ANXA2: variants seen among roughly 807,000 people sequenced by gnomAD.
ANXA2 encodes the protein annexin II.
Under a neutral mutation model 47.3 loss-of-function variants are expected in ANXA2, and 28 were observed. The ratio of observed to expected loss-of-function variants is 0.59; its 90% CI spans 0.44 to 0.81. ANXA2 has a LOEUF of 0.81. Among genes scored for constraint, ANXA2 ranks in the 40% least tolerant of loss-of-function variants. ANXA2 has a pLI of 0.00. For missense variants in ANXA2, 384 were observed against 414.3 expected, an observed-to-expected ratio of 0.93 and a Z score of 0.64; for synonymous variants, 172 against 155.5, an observed-to-expected ratio of 1.11 and a Z score of -0.79.
At chr15:60,367,069 A>G (rs866934994) in intron 3 of ANXA2, among the ~76,000 whole-genome samples, 19 of 7,238 alleles carry the variant, frequency 2.6e-3, no homozygotes, top group South Asian at 5.1e-3. Context: ...GGGAGGGGGG[A>G]GGGGGGATCA....
In ANXA2 at chr15:60,360,294, T is replaced by C. The variant is rs563393465; in HGVS notation, c.357+647A>G. ...AAACAAAACAAAAAACTTGATATTTTAAGTATGCACAAAGTTCAGGAGGTT... is the reference window on the plus strand; with the variant it reads ...AAACAAAACAAAAAACTTGATATTTCAAGTATGCACAAAGTTCAGGAGGTT... On this transcript the variant is annotated intron_variant, in intron 5 of 12. Coordinates refer to ENST00000451270, the MANE Select transcript of ANXA2 (RefSeq NM_004039.3). 4.6e-5 allele frequency among the ~76,000 whole-genome samples: 7 copies of C among 152,308 alleles called. No homozygotes were observed. The South Asian group carries it at 1.0e-3, about 23-fold the overall frequency.
At chr15:60,373,662 A>C (rs1427123235) in intron 3 of ANXA2, among the ~76,000 whole-genome samples, 1 of 152,132 alleles carries the variant, frequency 6.6e-6, no homozygotes, top group Admixed American at 6.5e-5. Context: ...ACTCCATGGG[A>C]CTCAGACCTG....
chr15:60,394,936 G>A (rs1293476665), intron 1 of ANXA2, among the ~76,000 whole-genome samples: 1 of 152,174 alleles, frequency 6.6e-6, no homozygotes, highest in East Asian at 1.9e-4. Flanking sequence ...TTCCTCTGGT[G>A]TGGCCTACAA....
At chr15:60,376,628 AAC>A (rs1163984537) in intron 3 of ANXA2, among the ~76,000 whole-genome samples, 1 of 152,138 alleles carries the variant, frequency 6.6e-6, no homozygotes, top group Non-Finnish European at 1.5e-5. Context: ...TCTCTCCTCT[AAC>A]AGAGGGCTGC....
At chr15:60,368,298 G>A (rs1175276989) in intron 3 of ANXA2, among the ~76,000 whole-genome samples, 3 of 64,064 alleles carry the variant, frequency 4.7e-5, no homozygotes, top group African/African-American at 1.8e-4. Flanking sequence ...AAACACCCAA[G>A]AATGATCAAT....
At chr15:60,351,617 G>A (rs1896015266) in intron 10 of ANXA2, 107 bp downstream of exon 10, 1 of 756,580 alleles carries the variant, frequency 1.3e-6, no homozygotes, top group Non-Finnish European at 2.3e-6. Context: ...TCCAAAGCAT[G>A]CATAGAAGCC....
At chr15:60,385,136 T>C (rs934322356) in intron 2 of ANXA2, among the ~76,000 whole-genome samples, 14 of 152,360 alleles carry the variant, frequency 9.2e-5, no homozygotes, top group African/African-American at 3.1e-4. Context: ...AAATTCAGTT[T>C]AGTTCTAAAT....
chr15:60,376,199 G>A (rs575003373), intron 3 of ANXA2, among the ~76,000 whole-genome samples: 1 of 152,140 alleles, frequency 6.6e-6, no homozygotes, highest in East Asian at 1.9e-4. Flanking sequence ...CCAACATGGA[G>A]AAACACCATC....
intron 1 of ANXA2, 44 bp from the exon 2 acceptor site, chr15:60,386,130 C>A (rs775453201): frequency 7.5e-7 from 1 of 1,324,830 alleles, no homozygotes; most frequent in Non-Finnish European, 1.1e-6. Flanking sequence ...AGAGGCTCTC[C>A]TTTACTCTGA....
intron 3 of ANXA2, among the ~76,000 whole-genome samples, chr15:60,366,493 C>T (rs1161159787): frequency 6.6e-6 from 1 of 151,916 alleles, no homozygotes; most frequent in African/African-American, 2.4e-5. Context: ...CTCTGCCCGG[C>T]CGCGACCCTG....
At chr15:60,357,680 C>A (rs1248228324) in intron 5 of ANXA2, among the ~76,000 whole-genome samples, 1 of 151,972 alleles carries the variant, frequency 6.6e-6, no homozygotes, top group Non-Finnish European at 1.5e-5. Flanking sequence ...GTAGTCCCAG[C>A]TACCCTGGGA....
chr15:60,355,988 A>G lies in ANXA2; in HGVS notation c.459T>C (p.Thr153=). The change falls in exon 7 of 13, where the codon ACT becomes ACC. Residue 153 remains threonine, a synonymous_variant. Coordinates refer to ENST00000451270, the MANE Select transcript of ANXA2 (RefSeq NM_004039.3). ...INRVYKEMYK[T]DLEKDIISDT... ...CCGAAATAATGTCCTTCTCCAGATC[A>G]GTCTTGTACACTTGGAGGAAAATAC... 1.2e-6 allele frequency: 2 copies of G among 1,613,570 alleles called. No homozygotes were observed. Among genetic ancestry groups the G allele is most frequent in the Non-Finnish European group, 1.7e-6 (2 of 1,179,522 alleles).
At chr15:60,354,686 G>A (rs1041692237) in intron 7 of ANXA2, among the ~76,000 whole-genome samples, 2 of 151,900 alleles carry the variant, frequency 1.3e-5, no homozygotes, top group South Asian at 2.1e-4. Flanking sequence ...GCCAAGGAGT[G>A]GTAAAATCAT....
chr15:60,379,985 C>A (rs1375529408), intron 3 of ANXA2, among the ~76,000 whole-genome samples: 2 of 152,166 alleles, frequency 1.3e-5, no homozygotes, highest in Non-Finnish European at 2.9e-5. Flanking sequence ...TTGTCCCATG[C>A]TTGTGAAAAG....
chr15:60,351,157 T>G, intron 11 of ANXA2, 36 bp downstream of exon 11: 1 of 1,608,520 alleles, frequency 6.2e-7, no homozygotes, highest in Non-Finnish European at 8.5e-7. Flanking sequence ...AAAAGCTGAG[T>G]GTGGAAACAC....
intron 3 of ANXA2, chr15:60,374,737 C>G: frequency 6.6e-6 from 3 of 455,998 alleles, no homozygotes; most frequent in Non-Finnish European, 1.3e-5. Context: ...CTGGCAGAGT[C>G]ACAGGGTGGC....
At position 60,382,372 on chromosome 15, in the gene ANXA2, A is replaced by C. The variant is rs1362413781; in HGVS notation, c.118T>G (p.Leu40Val). The C allele has an allele frequency of 6.2e-7, 1 of 1,613,964 alleles. No homozygotes were observed. Among genetic ancestry groups the C allele is most frequent in the Non-Finnish European group, 8.5e-7 (1 of 1,179,872 alleles). Residue 40 changes from leucine (L) to valine (V), a missense_variant, in exon 3 of 13, where the codon TTG becomes GTG. Leu to Val is a conservative substitution (Grantham distance 32). Transcript: ENST00000451270. ...YTNFDAERDALNIETAIKTKG... is the reference protein window; with the variant it reads ...YTNFDAERDAVNIETAIKTKG... ...GTCTTGATGGCTGTTTCAATGTTCA[A>C]AGCATCCCGCTCAGCATCAAAGTTA... is the stretch of plus-strand genomic sequence containing the variant.
intron 1 of ANXA2, 139 bp downstream of exon 1, chr15:60,397,804 T>G: frequency 3.9e-6 from 5 of 1,280,194 alleles, no homozygotes; most frequent in Non-Finnish European, 5.0e-6. Context: ...GTGCCGGCCG[T>G]CCCTTCAGCC....
In ANXA2 at chr15:60,352,551, A is replaced by C. The variant is rs141453912; in HGVS notation, c.589-75T>G. 140 of 1,092,072 alleles carry C rather than the reference A, an allele frequency of 1.3e-4. 1 individual carries two copies. The highest frequency in any genetic ancestry group is 1.2e-3 in the East Asian group (47 of 40,404). 67.6% of individuals were successfully genotyped at this position (1,092,072 alleles called of 1,614,324 possible). ...TCAAAAAAAATGTCATGCAAAAAAA[A>C]CAAAAAAAGCTACACATTCAAAATG... On this transcript the variant is annotated intron_variant, in intron 8 of 12. Coordinates refer to ENST00000451270, the MANE Select transcript of ANXA2 (RefSeq NM_004039.3). The surrounding 1 kb of genome is among the most constrained non-coding windows in gnomAD (Gnocchi z 4.2).
Sources: allele counts gnomAD v4.1 joint callset (sites outside exome capture counted in the v4.1 genomes callset), GRCh38; gene constraint gnomAD v4.1.1; non-coding constraint Gnocchi (gnomAD v3.1); transcripts MANE v1.5; gene names NCBI Gene and HGNC (gene_info 2026-07-23, HGNC 2026-07-21).